The following CDKL3 variants were observed in gnomAD, a reference collection of about 807,000 sequenced individuals.
CDKL3 encodes cyclin-dependent kinase-like 3.
CDKL3 carries 65 observed loss-of-function variants against 69.3 expected under a neutral mutation model. The observed-to-expected ratio is 0.94, with a 90% CI of 0.77 to 1.15. The LOEUF (loss-of-function observed/expected upper bound fraction) is 1.15. CDKL3 is among the 50% of genes most tolerant of loss of function. CDKL3 has a pLI of 0.00. For synonymous variants in CDKL3, 202 were observed against 221.6 expected, an observed-to-expected ratio of 0.91 and a Z score of 0.79; for missense variants, 652 against 689.2, an observed-to-expected ratio of 0.95 and a Z score of 0.61.
chr5:134,319,934 A>G (rs1772281779), intron 5 of CDKL3, among the ~76,000 whole-genome samples: 1 of 152,232 alleles, frequency 6.6e-6, no homozygotes, highest in African/African-American at 2.4e-5. Context: ...AAAAAGAAAC[A>G]AGGCTAGAGA....
intron 2 of CDKL3, among the ~76,000 whole-genome samples, chr5:134,361,161 C>T (rs1040070323): frequency 2.0e-5 from 3 of 152,100 alleles, no homozygotes; most frequent in Admixed American, 6.5e-5. Context: ...TTTCATCACA[C>T]TGACTTAATT....
rs577008272 is a variant in CDKL3, at chr5:134,363,937, A to G, written c.165+2422T>C. Among the ~76,000 whole-genome samples the G allele has an allele frequency of 1.8e-3, 275 of 149,148 alleles. 1 individual carries two copies. Among genetic ancestry groups the G allele is most frequent in the African/African-American group, 6.5e-3 (259 of 40,122 alleles). ...CATGCCACTGCGCTGCAGCCTGGGC[A>G]ACAGGGAGACTCCATTTCTTAAAAA... On this transcript the variant is annotated intron_variant, in intron 2 of 12. Transcript: ENST00000265334.
chr5:134,322,497 C>T (rs1334264888), intron 4 of CDKL3, among the ~76,000 whole-genome samples: 1 of 152,056 alleles, frequency 6.6e-6, no homozygotes, highest in Non-Finnish European at 1.5e-5. Context: ...TTTTATTGTA[C>T]AATTTTATTC....
chr5:134,335,869 C>A (rs570763862), intron 4 of CDKL3, among the ~76,000 whole-genome samples: 4 of 152,192 alleles, frequency 2.6e-5, no homozygotes, highest in African/African-American at 7.2e-5. Context: ...CGTTGGCCTG[C>A]CTTGCTAGGT....
chr5:134,317,443 T>C (rs969013823), intron 6 of CDKL3, among the ~76,000 whole-genome samples: 2 of 152,102 alleles, frequency 1.3e-5, no homozygotes, highest in Admixed American at 1.3e-4. Flanking sequence ...CACGAGCCAC[T>C]GCACCTAGCC....
intron 4 of CDKL3, among the ~76,000 whole-genome samples, chr5:134,332,075 G>A (rs1273258779): frequency 6.6e-6 from 1 of 152,166 alleles, no homozygotes; most frequent in Non-Finnish European, 1.5e-5. Flanking sequence ...TAATGTGTCT[G>A]TTGGCTGCAT....
At chr5:134,328,645 AAAAC>A (rs1774992323) in intron 4 of CDKL3, among the ~76,000 whole-genome samples, 1 of 152,168 alleles carries the variant, frequency 6.6e-6, no homozygotes, top group Non-Finnish European at 1.5e-5. Flanking sequence ...CATTTATTGC[AAAAC>A]AATAATCCAC....
At chr5:134,302,223 C>CGAAGGAAGGAAGAGGCTT (rs961138345) in intron 12 of CDKL3, 22 of 457,138 alleles carry the variant, frequency 4.8e-5, no homozygotes, top group Middle Eastern at 6.5e-4. Context: ...GGAGAGAAAA[C>CGAAGGAAGGAAGAGGCTT]GAAGGAAGGA....
chr5:134,285,350 C>T (rs531368443), downstream of CDKL3, among the ~76,000 whole-genome samples: 8 of 152,350 alleles, frequency 5.3e-5, no homozygotes, highest in South Asian at 2.1e-4. Flanking sequence ...GAAATCTTGG[C>T]GGAGGTTCCC....
At chr5:134,315,286 T>C (rs951244175) in intron 6 of CDKL3, among the ~76,000 whole-genome samples, 6 of 152,166 alleles carry the variant, frequency 3.9e-5, no homozygotes, top group East Asian at 3.9e-4. Flanking sequence ...GTGTTTTTTT[T>C]CACAAATCAA....
At chr5:134,351,275 T>A (rs1753244314) in intron 3 of CDKL3, among the ~76,000 whole-genome samples, 1 of 152,160 alleles carries the variant, frequency 6.6e-6, no homozygotes, top group Non-Finnish European at 1.5e-5. Flanking sequence ...TTCATATGTA[T>A]CAAGTTTCCT....
chr5:134,288,689 C>T (rs531708755), intron 8 of CDKL3, among the ~76,000 whole-genome samples: 1 of 152,174 alleles, frequency 6.6e-6, no homozygotes, highest in African/African-American at 2.4e-5. Flanking sequence ...CACAGAGACC[C>T]AGTGAACTAC....
At chr5:134,307,498 G>A (rs1768193837) in intron 9 of CDKL3, among the ~76,000 whole-genome samples, 1 of 152,164 alleles carries the variant, frequency 6.6e-6, no homozygotes, top group Admixed American at 6.5e-5. Context: ...GCCCAAACCA[G>A]TCTGCTAGAA....
intron 4 of CDKL3, among the ~76,000 whole-genome samples, chr5:134,347,657 G>A (rs1581157123): frequency 7.0e-6 from 1 of 142,328 alleles, no homozygotes; most frequent in East Asian, 2.1e-4. Context: ...ATCACTTGAG[G>A]TAGGGAGTTC....
At chr5:134,319,189 G>A in intron 6 of CDKL3, 169 bp downstream of exon 6, 1 of 464,086 alleles carries the variant, frequency 2.2e-6, no homozygotes, top group South Asian at 3.8e-5. Context: ...AAATTAGCCG[G>A]GCATGGTGGC....
chr5:134,368,989 T>C (rs1758037273), upstream of CDKL3, among the ~76,000 whole-genome samples: 1 of 152,184 alleles, frequency 6.6e-6, no homozygotes, highest in African/African-American at 2.4e-5. Flanking sequence ...TTCACACCAC[T>C]GCACTCCAAC....
At chr5:134,299,652 A>G (rs1397773058) in intron 12 of CDKL3, 1 of 1,518,124 alleles carries the variant, frequency 6.6e-7, no homozygotes, top group African/African-American at 1.4e-5. Context: ...TTAAAAAACC[A>G]TACAGTGATT....
At chr5:134,312,588 G>A (rs1396046646) in intron 6 of CDKL3, among the ~76,000 whole-genome samples, 1 of 152,186 alleles carries the variant, frequency 6.6e-6, no homozygotes, top group African/African-American at 2.4e-5. Context: ...CATTATTATA[G>A]GTTAAATGTC....
Position 134,367,012 on chromosome 5 carries a change from C to A in CDKL3, c.-57G>T. The stretch of plus-strand genomic sequence containing the variant: ...CCCCACGTCCCGCTGTTGACTTTAT[C>A]CAAACAGCCGCCGCCGCCTCAGCCC... On this transcript the variant is annotated 5_prime_UTR_variant, in exon 1 of 13. Transcript: ENST00000265334. 1 of 989,210 alleles carries A rather than the reference C, an allele frequency of 1.0e-6. No individual in the cohort carries two copies. Among genetic ancestry groups the A allele is most frequent in the Non-Finnish European group, 1.2e-6 (1 of 832,584 alleles). The allele number at this position is 989,210 out of a possible 1,614,324, so 61.3% of individuals were successfully genotyped here.
Sources: allele counts gnomAD v4.1 joint callset (sites outside exome capture counted in the v4.1 genomes callset), GRCh38; gene constraint gnomAD v4.1.1; transcripts MANE v1.5; gene names NCBI Gene and HGNC (gene_info 2026-07-23, HGNC 2026-07-21).